The following FNDC3B variants were observed in gnomAD, a reference collection of about 807,000 sequenced individuals.
The protein encoded by FNDC3B is fibronectin type III domain-containing protein 3B.
Under a neutral mutation model 151.5 loss-of-function variants are expected in FNDC3B, and 12 were observed. The ratio of observed to expected loss-of-function variants is 0.08; its 90% CI spans 0.05 to 0.13. FNDC3B has a LOEUF of 0.13. FNDC3B is among the 10% of genes least tolerant of loss of function. The probability of loss-of-function intolerance (pLI) is 1.00; values close to 1 mark genes in which losing one functional copy is unlikely to be tolerated. For synonymous variants in FNDC3B, 528 were observed against 549.0 expected, an observed-to-expected ratio of 0.96 and a Z score of 0.54; for missense variants, 1,214 against 1,505.3, an observed-to-expected ratio of 0.81 and a Z score of 3.20.
At chr3:172,072,565 CTTG>C (rs1474167771) in intron 1 of FNDC3B, among the ~76,000 whole-genome samples, 1 of 152,218 alleles carries the variant, frequency 6.6e-6, no homozygotes, top group African/African-American at 2.4e-5. Flanking sequence ...GAGGCATCCT[CTTG>C]TTAATTCCTT....
chr3:172,351,174 T>C (rs1415443481), intron 21 of FNDC3B, among the ~76,000 whole-genome samples: 1 of 151,934 alleles, frequency 6.6e-6, no homozygotes, highest in African/African-American at 2.4e-5. Context: ...AGAAGGGAAA[T>C]AGGAAATGTG....
chr3:172,308,869 C>A (rs1731325206), intron 10 of FNDC3B, among the ~76,000 whole-genome samples: 1 of 152,036 alleles, frequency 6.6e-6, no homozygotes, highest in Admixed American at 6.6e-5. Context: ...GTAAATATAT[C>A]TTTGTAAGGA....
intron 1 of FNDC3B, among the ~76,000 whole-genome samples, chr3:172,041,079 T>C (rs1716022270): frequency 6.6e-6 from 1 of 152,212 alleles, no homozygotes; most frequent in African/African-American, 2.4e-5. Context: ...CAGCATTTTA[T>C]TTAAACAAAA....
Position 172,352,822 on chromosome 3 carries a change from C to T in FNDC3B, c.2534C>T (p.Ala845Val). 2 of 1,613,896 alleles carry T rather than the reference C, an allele frequency of 1.2e-6. No individual in the cohort carries two copies. Among genetic ancestry groups the T allele is most frequent in the Non-Finnish European group, 1.7e-6 (2 of 1,179,958 alleles). The change falls in exon 22 of 26, where the codon GCA becomes GTA. Residue 845 changes from alanine (A) to valine (V), a missense_variant. Ala to Val is a moderately conservative substitution (Grantham distance 64). Coordinates refer to ENST00000415807, the MANE Select transcript of FNDC3B (RefSeq NM_022763.4). This position sits in a 1 kb window ranked among gnomAD's most constrained non-coding sequence, Gnocchi z 4.2. Reference sequence around the variant, plus strand: ...TTGTAGGCCTTCAATCAAGCAGGGGCAGGGCCGTACAGTGAACTTGTCCTT... The same window carrying T: ...TTGTAGGCCTTCAATCAAGCAGGGGTAGGGCCGTACAGTGAACTTGTCCTT... ...CRLQAFNQAG[A>V]GPYSELVLCQ...
intron 6 of FNDC3B, among the ~76,000 whole-genome samples, chr3:172,264,277 G>A (rs562379028): frequency 6.6e-5 from 10 of 152,300 alleles, no homozygotes; most frequent in South Asian, 4.1e-4. Flanking sequence ...GATTACAGGC[G>A]TGAGTCACCA....
chr3:172,310,808 C>G lies in FNDC3B; in HGVS notation c.1201-20C>G. 1 of 1,590,964 alleles carries G rather than the reference C, an allele frequency of 6.3e-7. No individual in the cohort carries two copies. Among genetic ancestry groups the G allele is most frequent in the Non-Finnish European group, 8.6e-7 (1 of 1,158,852 alleles). On this transcript the variant is annotated intron_variant, in intron 10 of 25. Coordinates refer to ENST00000415807, the MANE Select transcript of FNDC3B (RefSeq NM_022763.4). ...GTCTGTGAACAACTTTCTCTAATCT[C>G]ATGTTACTATTTTTTTTAGGCACCA...
At chr3:172,327,653 C>T (rs1576914799) in intron 11 of FNDC3B, among the ~76,000 whole-genome samples, 3 of 152,326 alleles carry the variant, frequency 2.0e-5, no homozygotes, top group Admixed American at 2.0e-4. Flanking sequence ...ATCTGCCCGC[C>T]TCAACCTCCC....
At chr3:172,295,620 T>G in intron 8 of FNDC3B, 106 bp downstream of exon 8, 1 of 952,056 alleles carries the variant, frequency 1.1e-6, no homozygotes, top group Non-Finnish European at 1.5e-6. Flanking sequence ...CAAATTTTCC[T>G]TTAGTTTATT....
rs1733891298 is a variant in FNDC3B, at chr3:172,352,257, T to C, written c.2515-546T>C. 6.6e-6 allele frequency among the ~76,000 whole-genome samples: 1 copy of C among 152,198 alleles called. No homozygotes were observed. Among genetic ancestry groups the C allele is most frequent in the Non-Finnish European group, 1.5e-5 (1 of 68,036 alleles). On this transcript the variant is annotated intron_variant, in intron 21 of 25. Coordinates refer to ENST00000415807, the MANE Select transcript of FNDC3B (RefSeq NM_022763.4). This position sits in a 1 kb window ranked among gnomAD's most constrained non-coding sequence, Gnocchi z 4.2. ...TGATCAAGGTGTCAGCTGTTTCTCT[T>C]GGGTAAAATCAGATAAGCGCTGACG... is the stretch of plus-strand genomic sequence containing the variant.
chr3:172,339,511 C>T (rs1733176524), intron 16 of FNDC3B, among the ~76,000 whole-genome samples: 1 of 151,924 alleles, frequency 6.6e-6, no homozygotes, highest in African/African-American at 2.4e-5. Context: ...CGCAGTGAGC[C>T]GAGATCGCAC....
chr3:172,385,934 A>G (rs1285058661), intron 25 of FNDC3B, among the ~76,000 whole-genome samples: 1 of 151,582 alleles, frequency 6.6e-6, no homozygotes, highest in African/African-American at 2.4e-5. Context: ...TGAAGCATCA[A>G]CTCTAACTTT....
chr3:172,338,697 G>C (rs1733118599), intron 16 of FNDC3B, among the ~76,000 whole-genome samples: 1 of 152,152 alleles, frequency 6.6e-6, no homozygotes, highest in South Asian at 2.1e-4. Flanking sequence ...TCTCACCACT[G>C]TAATAATCTC....
At chr3:172,202,339 G>A (rs1725199997) in intron 3 of FNDC3B, among the ~76,000 whole-genome samples, 1 of 152,220 alleles carries the variant, frequency 6.6e-6, no homozygotes, top group Non-Finnish European at 1.5e-5. Context: ...TGGTCTGTAT[G>A]AGGTTGTATT....
In FNDC3B at chr3:172,227,112, C is replaced by G. The variant is rs904773797; in HGVS notation, c.264+165C>G. 1.1e-5 allele frequency: 6 copies of G among 559,994 alleles called. No homozygotes were observed. The Admixed American group carries it at 1.4e-4, about 13-fold the overall frequency. 34.7% of individuals were successfully genotyped at this position (559,994 alleles called of 1,614,324 possible). ...ACATGGCGTTTCTTGTGTCTTGCCA[C>G]TTGACGTACCAGAGAACCAGAGAAA... On this transcript the variant is annotated intron_variant, in intron 4 of 25. Coordinates refer to ENST00000415807, the MANE Select transcript of FNDC3B (RefSeq NM_022763.4).
In FNDC3B at chr3:172,368,539, G is replaced by A. The variant is rs540956682; in HGVS notation, c.3008+5694G>A. Among the ~76,000 whole-genome samples the A allele has an allele frequency of 2.1e-4, 32 of 152,264 alleles. 1 individual carries two copies. The highest frequency in any genetic ancestry group is 7.7e-4 in the African/African-American group (32 of 41,562). On this transcript the variant is annotated intron_variant, in intron 23 of 25. Coordinates refer to ENST00000415807, the MANE Select transcript of FNDC3B (RefSeq NM_022763.4). ...ATTTTCATATGACATCCACCAGCAG[G>A]CTATCATGATTCTCGACATGGGTAT...
intron 3 of FNDC3B, among the ~76,000 whole-genome samples, chr3:172,138,509 C>T (rs1721478027): frequency 6.6e-6 from 1 of 151,942 alleles, no homozygotes; most frequent in Non-Finnish European, 1.5e-5. Context: ...TAATGAGTTT[C>T]CTTTAGAGAA....
chr3:172,262,358 C>T (rs1015533768), intron 6 of FNDC3B, among the ~76,000 whole-genome samples: 1 of 152,204 alleles, frequency 6.6e-6, no homozygotes, highest in African/African-American at 2.4e-5. Flanking sequence ...ACATCTCCTA[C>T]TCTTTTCCTA....
chr3:172,304,524 T>C (rs1158138452), intron 9 of FNDC3B, among the ~76,000 whole-genome samples: 1 of 152,220 alleles, frequency 6.6e-6, no homozygotes. Flanking sequence ...ATGGGGACTC[T>C]AGCGAACTCT....
chr3:172,344,639 C>T (rs761610493), intron 19 of FNDC3B, among the ~76,000 whole-genome samples: 4 of 152,094 alleles, frequency 2.6e-5, no homozygotes, highest in South Asian at 2.1e-4. Context: ...CTAAATGAAC[C>T]AGCAACATCT....
Sources: gnomAD v4.1 joint callset for allele counts (sites outside exome capture counted in the v4.1 genomes callset) on GRCh38, gnomAD v4.1.1 for gene constraint, Gnocchi (gnomAD v3.1) non-coding constraint, MANE v1.5 for transcripts, NCBI Gene and HGNC (gene_info 2026-07-23, HGNC 2026-07-21) for gene names.